The following PARD3B variants were observed in gnomAD, a reference collection of about 807,000 sequenced individuals.
PARD3B encodes the protein par-3 family cell polarity regulator beta.
In PARD3B, 103 loss-of-function variants were observed where a neutral mutation model predicts 130.2. The ratio of observed to expected loss-of-function variants is 0.79; its 90% CI spans 0.67 to 0.93. The LOEUF (loss-of-function observed/expected upper bound fraction) is 0.93. Ranked by LOEUF, PARD3B falls within the 40% of genes least tolerant of loss-of-function variation. The probability of loss-of-function intolerance (pLI) is 0.00; values close to 1 mark genes in which losing one functional copy is unlikely to be tolerated. For synonymous variants in PARD3B, 583 were observed against 553.2 expected (o/e 1.05, Z -0.76); for missense variants, 1,609 against 1,499.2 (o/e 1.07, Z -1.21).
At chr2:205,338,334 G>A (rs767363806) in intron 18 of PARD3B, among the ~76,000 whole-genome samples, 9 of 151,996 alleles carry the variant, frequency 5.9e-5, no homozygotes, top group Admixed American at 2.0e-4. Flanking sequence ...CTCATTTTTC[G>A]TTTGTTTGTT....
chr2:205,613,467 GT>G (rs1253376288), intron 22 of PARD3B, among the ~76,000 whole-genome samples: 1 of 152,200 alleles, frequency 6.6e-6, no homozygotes, highest in Non-Finnish European at 1.5e-5. Flanking sequence ...AAGGCTGGAA[GT>G]TTTCTAAATC....
intron 21 of PARD3B, among the ~76,000 whole-genome samples, chr2:205,519,124 G>T (rs535225250): frequency 6.6e-6 from 1 of 152,158 alleles, no homozygotes; most frequent in Non-Finnish European, 1.5e-5. Context: ...GAGTTTGACC[G>T]TTGGCCTGTC....
At chr2:205,037,362 A>AAT (rs768569682) in intron 3 of PARD3B, among the ~76,000 whole-genome samples, 368 of 95,128 alleles carry the variant, frequency 3.9e-3, no homozygotes, top group South Asian at 9.3e-3. Flanking sequence ...ATTTGTATAA[A>AAT]ATATATATAG....
At chr2:205,070,232 TA>T (rs1446458258) in intron 4 of PARD3B, among the ~76,000 whole-genome samples, 5 of 152,146 alleles carry the variant, frequency 3.3e-5, no homozygotes, top group Non-Finnish European at 7.4e-5. Flanking sequence ...AATATGTATC[TA>T]AAACAATAAG....
rs549565852 is a variant in PARD3B at position 204,753,869 on chromosome 2, T to C, written c.222+67587T>C. ...GGAGTTTGAGATCAGCTGGGCAACGTAGTAAGACCTCATCTCTACCAAAAA... is the reference window on the plus strand; with the variant it reads ...GGAGTTTGAGATCAGCTGGGCAACGCAGTAAGACCTCATCTCTACCAAAAA... On this transcript the variant is annotated intron_variant, in intron 2 of 22. Coordinates refer to ENST00000406610, the MANE Select transcript of PARD3B (RefSeq NM_001302769.2). Among the ~76,000 whole-genome samples, 6 of 152,220 alleles carry C rather than the reference T, an allele frequency of 3.9e-5. No individual in the cohort carries two copies. The South Asian group carries it at 1.2e-3, about 32-fold the overall frequency.
chr2:205,533,565 T>C (rs2051698129), intron 21 of PARD3B, among the ~76,000 whole-genome samples: 1 of 152,198 alleles, frequency 6.6e-6, no homozygotes, highest in South Asian at 2.1e-4. Context: ...TTTTAAAAAG[T>C]TTTTTTATCA....
chr2:205,399,752 C>T (rs2046179850), intron 18 of PARD3B, among the ~76,000 whole-genome samples: 1 of 152,258 alleles, frequency 6.6e-6, no homozygotes, highest in Admixed American at 6.5e-5. Flanking sequence ...GCCACTGTGC[C>T]CTTGTAACTA....
At chr2:204,884,873 G>T (rs186887276) in intron 2 of PARD3B, among the ~76,000 whole-genome samples, 1 of 152,172 alleles carries the variant, frequency 6.6e-6, no homozygotes, top group East Asian at 1.9e-4. Context: ...TCTTTATCCA[G>T]TCTATTGATG....
At chr2:205,103,432 C>G (rs1702967561) in intron 4 of PARD3B, among the ~76,000 whole-genome samples, 1 of 149,072 alleles carries the variant, frequency 6.7e-6, no homozygotes, top group Non-Finnish European at 1.5e-5. Flanking sequence ...TTATCTGTCT[C>G]AAAAATAAAA....
At chr2:204,886,700 A>G (rs1050760761) in intron 2 of PARD3B, among the ~76,000 whole-genome samples, 2 of 152,232 alleles carry the variant, frequency 1.3e-5, no homozygotes, top group African/African-American at 2.4e-5. Context: ...AGATACAATC[A>G]ATAATTTCTC....
intron 1 of PARD3B, among the ~76,000 whole-genome samples, chr2:204,640,952 A>T (rs2035056187): frequency 6.8e-6 from 1 of 147,842 alleles, no homozygotes; most frequent in Non-Finnish European, 1.5e-5. Context: ...TGTATAATAT[A>T]TTTACTGTAT....
At chr2:205,414,281 T>C (rs1176554429) in intron 19 of PARD3B, among the ~76,000 whole-genome samples, 1 of 152,218 alleles carries the variant, frequency 6.6e-6, no homozygotes, top group Non-Finnish European at 1.5e-5. Flanking sequence ...ACATGTCTTT[T>C]CTTCATGTCT....
At chr2:204,585,169 A>G (rs6731575) in intron 1 of PARD3B, among the ~76,000 whole-genome samples, 93,151 of 151,984 alleles carry the variant, frequency 0.61, 32,383 homozygotes, top group East Asian at 0.8. Flanking sequence ...TCTTCCACCA[A>G]TGCTTCCTAT....
In PARD3B at chr2:205,496,318, C is replaced by G. The variant is rs988188209; in HGVS notation, c.3045-3578C>G. Reference sequence around the variant, plus strand: ...GCTACAAATCAGAAATTGGAATTTGCTGTCCCTAATCTTACCACCTTAAAT... The same window carrying G: ...GCTACAAATCAGAAATTGGAATTTGGTGTCCCTAATCTTACCACCTTAAAT... On this transcript the variant is annotated intron_variant, in intron 20 of 22. Transcript: ENST00000406610. Among the ~76,000 whole-genome samples, 6 of 152,202 alleles carry G rather than the reference C, an allele frequency of 3.9e-5. No homozygotes were observed. In the East Asian group the frequency reaches 1.2e-3, roughly 29 times the overall value.
chr2:205,527,554 G>A (rs1453757932), intron 21 of PARD3B, among the ~76,000 whole-genome samples: 1 of 152,102 alleles, frequency 6.6e-6, no homozygotes. Context: ...AGTTAAAGAT[G>A]TGGCTACCTC....
At position 205,274,231 on chromosome 2, in the gene PARD3B, C is replaced by A. The variant is rs902866667; in HGVS notation, c.2186-26299C>A. On this transcript the variant is annotated intron_variant, in intron 16 of 22. Transcript: ENST00000406610. This position sits in a 1 kb window ranked among gnomAD's most constrained non-coding sequence, Gnocchi z 4.2. ...GAATTTAGTACCTATATTCTTTCTACTCTTTATTTCTTTGTGTGAATAGGC... is the reference window on the plus strand; with the variant it reads ...GAATTTAGTACCTATATTCTTTCTAATCTTTATTTCTTTGTGTGAATAGGC... 2.6e-5 allele frequency among the ~76,000 whole-genome samples: 4 copies of A among 151,914 alleles called. No individual in the cohort carries two copies. The South Asian group carries it at 8.3e-4, about 32-fold the overall frequency.
chr2:204,868,304 C>A (rs996493103), intron 2 of PARD3B, among the ~76,000 whole-genome samples: 1 of 152,136 alleles, frequency 6.6e-6, no homozygotes, highest in Admixed American at 6.6e-5. Context: ...TTTTATTTAA[C>A]CTTCACCACA....
At chr2:204,976,890 G>A (rs1692220736) in intron 3 of PARD3B, among the ~76,000 whole-genome samples, 1 of 152,024 alleles carries the variant, frequency 6.6e-6, no homozygotes, top group Admixed American at 6.5e-5. Context: ...GATTACAGGG[G>A]TGAGCCAGTC....
intron 21 of PARD3B, among the ~76,000 whole-genome samples, chr2:205,504,140 G>T (rs1420139942): frequency 6.6e-6 from 1 of 152,086 alleles, no homozygotes; most frequent in African/African-American, 2.4e-5. Context: ...CAAGAAATGG[G>T]GAAATAATTC....
Sources: gnomAD v4.1 joint callset for allele counts (sites outside exome capture counted in the v4.1 genomes callset) on GRCh38, gnomAD v4.1.1 for gene constraint, Gnocchi (gnomAD v3.1) non-coding constraint, MANE v1.5 for transcripts, NCBI Gene and HGNC (gene_info 2026-07-23, HGNC 2026-07-21) for gene names.